Variants in CDK12 observed in about 807,000 individuals in gnomAD.
CDK12 encodes cyclin-dependent kinase 12.
Under a neutral mutation model 133.8 loss-of-function variants are expected in CDK12, and 17 were observed. The observed-to-expected ratio is 0.13, with a 90% CI of 0.09 to 0.19. The LOEUF is 0.19. Ranked by LOEUF, CDK12 falls within the 10% of genes least tolerant of loss-of-function variation. The pLI is 1.00. For synonymous variants in CDK12, 694 were observed against 683.6 expected, an observed-to-expected ratio of 1.02 and a Z score of -0.24; for missense variants, 1,508 against 1,818.7, an observed-to-expected ratio of 0.83 and a Z score of 3.11.
intron 2 of CDK12, among the ~76,000 whole-genome samples, chr17:39,480,419 A>G (rs774261223): frequency 2.6e-5 from 4 of 151,746 alleles, no homozygotes; most frequent in Non-Finnish European, 5.9e-5. Flanking sequence ...ACAGGCATGT[A>G]CCACCATGCC....
chr17:39,530,985 G>A lies in CDK12; in HGVS notation c.4142G>A (p.Ser1381Asn). 1 of 1,614,214 alleles carries A rather than the reference G, an allele frequency of 6.2e-7. No individual in the cohort carries two copies. The highest frequency in any genetic ancestry group is 8.5e-7 in the Non-Finnish European group (1 of 1,180,044). The change falls in exon 14 of 14, where the codon AGC (serine) becomes AAC (asparagine). Residue 1381 changes from serine (S) to asparagine (N), a missense_variant. This residue lies in a region of CDK12 where 399 missense variants were observed against 469.6 expected (regional missense o/e 0.85). Transcript: ENST00000447079. ...AACAGGACCTTCTCAGGCTCTCTGA[G>A]CCACCTTGGGGAGTCCAGCAGTTAC... Reference protein sequence around the residue: ...VKNRTFSGSLSHLGESSSYQG... With the variant: ...VKNRTFSGSLNHLGESSSYQG...
At chr17:39,535,744 C>T (rs1370034071), downstream of CDK12, among the ~76,000 whole-genome samples, 3 of 152,096 alleles carry the variant, frequency 2.0e-5, no homozygotes, top group South Asian at 4.1e-4. Flanking sequence ...TGGTTAATGC[C>T]TCAAAGAAGT....
At chr17:39,498,619 T>C (rs1158103141) in intron 5 of CDK12, among the ~76,000 whole-genome samples, 1 of 152,248 alleles carries the variant, frequency 6.6e-6, no homozygotes, top group East Asian at 1.9e-4. Context: ...AGCCTCAAAC[T>C]CCTGGGCTCA....
At position 39,524,555 on chromosome 17, in the gene CDK12, G is replaced by T. The variant is rs1241019448; in HGVS notation, c.3096-119G>T. The stretch of plus-strand genomic sequence containing the variant: ...TTTACTAACTTTTTTGGTTATTTTT[G>T]TTTTCCTTATTCTTTACATTTCCCA... On this transcript the variant is annotated intron_variant, in intron 11 of 13. Transcript: ENST00000447079. The T allele has an allele frequency of 1.1e-5, 9 of 854,580 alleles. No homozygotes were observed. The Admixed American group carries it at 1.4e-4, about 13-fold the overall frequency. 52.9% of individuals were successfully genotyped at this position (854,580 alleles called of 1,614,324 possible).
chr17:39,499,498 C>T (rs1484343349), intron 5 of CDK12, among the ~76,000 whole-genome samples: 8 of 145,182 alleles, frequency 5.5e-5, no homozygotes, highest in Admixed American at 3.5e-4. Context: ...CATGAACTAC[C>T]GCGCCCAGCC....
Position 39,464,864 on chromosome 17 carries a change from A to T in CDK12, c.1046+1747A>T, listed in dbSNP as rs534891613. Among the ~76,000 whole-genome samples the T allele has an allele frequency of 3.3e-5, 5 of 151,128 alleles. No individual in the cohort carries two copies. The East Asian group carries it at 9.8e-4, about 29-fold the overall frequency. ...CTGCCTGGGAGGCTGAGGTGGGAGGATTGCTTGAGCCTAGGAAGTCAAGGC... is the reference window on the plus strand; with the variant it reads ...CTGCCTGGGAGGCTGAGGTGGGAGGTTTGCTTGAGCCTAGGAAGTCAAGGC... On this transcript the variant is annotated intron_variant, in intron 1 of 13. Coordinates refer to ENST00000447079, the MANE Select transcript of CDK12 (RefSeq NM_016507.4).
rs370663761 is a variant in CDK12, at chr17:39,462,533, G to T, written c.462G>T (p.Ser154=). The change falls in exon 1 of 14, where the codon TCG becomes TCT. Residue 154 remains serine (S), a synonymous_variant. Coordinates refer to ENST00000447079, the MANE Select transcript of CDK12 (RefSeq NM_016507.4). Reference sequence around the variant, plus strand: ...GGATATCGGGAAGTTCAAAGCGTTCGAATGAGGAGACTGATGACTATGGGA... The same window carrying T: ...GGATATCGGGAAGTTCAAAGCGTTCTAATGAGGAGACTGATGACTATGGGA... ...KDRISGSSKR[S]NEETDDYGKA... The T allele has an allele frequency of 3.2e-5, 52 of 1,614,178 alleles. No homozygotes were observed. The highest frequency in any genetic ancestry group is 3.7e-5 in the Non-Finnish European group (44 of 1,180,032).
At chr17:39,563,956 T>C (rs1290329333) in intron 3 of CDK12, among the ~76,000 whole-genome samples, 2 of 152,204 alleles carry the variant, frequency 1.3e-5, no homozygotes, top group Admixed American at 6.5e-5. Context: ...TTGATGACGG[T>C]GGACTTGAGG....
At chr17:39,521,696 A>G (rs1329286696) in intron 11 of CDK12, among the ~76,000 whole-genome samples, 1 of 151,736 alleles carries the variant, frequency 6.6e-6, no homozygotes, top group East Asian at 2.0e-4. Context: ...AGTAGCTGGG[A>G]TTATAGGCGC....
intron 3 of CDK12, among the ~76,000 whole-genome samples, chr17:39,557,454 A>G (rs1255922083): frequency 6.6e-6 from 1 of 152,216 alleles, no homozygotes; most frequent in African/African-American, 2.4e-5. Context: ...CATGGCCTCA[A>G]CAAAGCTGGG....
chr17:39,554,418 T>C (rs1000327393), intron 2 of CDK12, among the ~76,000 whole-genome samples: 16 of 152,064 alleles, frequency 1.1e-4, no homozygotes, highest in Non-Finnish European at 8.8e-5. Flanking sequence ...CCTCCTCCCT[T>C]GTGTGCCAGG....
intron 13 of CDK12, among the ~76,000 whole-genome samples, chr17:39,528,499 A>C (rs1367226624): frequency 6.7e-6 from 1 of 149,634 alleles, no homozygotes; most frequent in Non-Finnish European, 1.5e-5. Flanking sequence ...GGCCCGGCTA[A>C]TTTTTTTGTA....
At chr17:39,529,703 A>G (rs975437731) in intron 13 of CDK12, among the ~76,000 whole-genome samples, 2 of 152,258 alleles carry the variant, frequency 1.3e-5, no homozygotes, top group African/African-American at 4.8e-5. Context: ...AGTGGAAAAA[A>G]GAAAGTCTGG....
intron 3 of CDK12, among the ~76,000 whole-genome samples, chr17:39,563,459 T>TC (rs1404863272): frequency 4.2e-4 from 9 of 21,402 alleles, no homozygotes; most frequent in African/African-American, 5.9e-4. Context: ...TTCTCTTGCT[T>TC]CCCGCCCCCC....
In CDK12 at chr17:39,494,027, A is replaced by C. The variant is rs568753580; in HGVS notation, c.2249-497A>C. 7.9e-5 allele frequency among the ~76,000 whole-genome samples: 12 copies of C among 152,230 alleles called. No individual in the cohort carries two copies. The East Asian group carries it at 2.3e-3, about 30-fold the overall frequency. On this transcript the variant is annotated intron_variant, in intron 4 of 13. Coordinates refer to ENST00000447079, the MANE Select transcript of CDK12 (RefSeq NM_016507.4). Reference sequence around the variant, plus strand: ...AAAAAATTCAAGTCTTAAGAAAAAAATTAAAGCCAGGAAAGGGAATATAAA... The same window carrying C: ...AAAAAATTCAAGTCTTAAGAAAAAACTTAAAGCCAGGAAAGGGAATATAAA...
rs2145548605 is a variant in CDK12 at position 39,481,522 on chromosome 17, C to G, written c.1932-9035C>G. Reference sequence around the variant, plus strand: ...ACCAAGTTTTGCCATGTTGCACAGGCTGGTCTCGAACTCCTGAGCTCAAGC... The same window carrying G: ...ACCAAGTTTTGCCATGTTGCACAGGGTGGTCTCGAACTCCTGAGCTCAAGC... On this transcript the variant is annotated intron_variant, in intron 2 of 13. Transcript: ENST00000447079. Among the ~76,000 whole-genome samples the G allele has an allele frequency of 4.0e-5, 6 of 151,780 alleles. No individual in the cohort carries two copies. In the South Asian group the frequency reaches 1.2e-3, roughly 32 times the overall value.
At chr17:39,550,419 C>G (rs755467348) in exon 1 of CDK12, 9 of 152,324 alleles carry the variant, frequency 5.9e-5, no homozygotes, top group Middle Eastern at 3.4e-3. Context: ...GTCTGGAGCC[C>G]AAAATCACAG....
chr17:39,501,140 T>G, intron 5 of CDK12, 110 bp from the exon 6 acceptor site: 1 of 684,694 alleles, frequency 1.5e-6, no homozygotes, highest in East Asian at 2.9e-5. Context: ...TTCAAGGGTT[T>G]TTTCTAGAGA....
rs2055032304 is a variant in CDK12, at chr17:39,534,299, T to C, written c.*2983T>C. The C allele has an allele frequency of 4.3e-6, 1 of 232,856 alleles. No individual in the cohort carries two copies. Among genetic ancestry groups the C allele is most frequent in the Admixed American group, 5.6e-5 (1 of 17,766 alleles). The allele number at this position is 232,856 out of a possible 1,614,324, so 14.4% of individuals were successfully genotyped here. A position where few individuals can be genotyped will look rare whatever the true frequency, so the allele number is the denominator to read the frequency against. On this transcript the variant is annotated 3_prime_UTR_variant, in exon 14 of 14. Coordinates refer to ENST00000447079, the MANE Select transcript of CDK12 (RefSeq NM_016507.4). The stretch of plus-strand genomic sequence containing the variant: ...TGTGTGTATATATAATATGCATATA[T>C]AGTTACCGTGCTAAAATGGTTACCA...
Sources: gnomAD v4.1 joint callset for allele counts (sites outside exome capture counted in the v4.1 genomes callset) on GRCh38, gnomAD v4.1.1 for gene constraint, gnomAD v4.1.1 regional missense constraint, MANE v1.5 for transcripts, NCBI Gene and HGNC (gene_info 2026-07-23, HGNC 2026-07-21) for gene names.